The following ADGRV1 variants were observed in gnomAD, a reference collection of about 807,000 sequenced individuals.
The protein encoded by ADGRV1 is G-protein coupled receptor 98.
A neutral mutation model predicts 596.2 loss-of-function variants in ADGRV1; 359 were observed. That is an observed-to-expected ratio of 0.60 (90% confidence interval 0.55 to 0.66). ADGRV1 has a LOEUF of 0.66. Among genes scored for constraint, ADGRV1 ranks in the 30% least tolerant of loss-of-function variants. The pLI, the probability that ADGRV1 is intolerant of heterozygous loss-of-function variation, is 0.00. For synonymous variants in ADGRV1, 2,681 were observed against 2,679.2 expected (o/e 1.00, Z -0.02); for missense variants, 7,274 against 7,575.6 (o/e 0.96, Z 1.48).
intron 85 of ADGRV1, among the ~76,000 whole-genome samples, chr5:91,065,297 A>G (rs988437113): frequency 6.6e-6 from 1 of 152,086 alleles, no homozygotes; most frequent in Non-Finnish European, 1.5e-5. Context: ...AGGCTGGCAC[A>G]TGAGCCTGTG....
chr5:90,672,896 A>G (rs1038460946), intron 22 of ADGRV1, 174 bp downstream of exon 22: 3 of 531,634 alleles, frequency 5.6e-6, no homozygotes, highest in Admixed American at 7.1e-5. Flanking sequence ...AACCTTTATC[A>G]GGTAGAGTTA....
intron 76 of ADGRV1, 25 bp downstream of exon 76, chr5:90,823,621 T>G: frequency 6.3e-7 from 1 of 1,578,878 alleles, no homozygotes; most frequent in South Asian, 1.1e-5. Context: ...GACACACTAG[T>G]GTCAACTTCT....
At chr5:91,158,108 T>A (rs1224468815) in intron 89 of ADGRV1, among the ~76,000 whole-genome samples, 4 of 152,246 alleles carry the variant, frequency 2.6e-5, no homozygotes, top group Non-Finnish European at 4.4e-5. Context: ...TTCCTTATTC[T>A]CAAATAACAG....
chr5:91,136,534 C>G (rs1249175710), intron 87 of ADGRV1, among the ~76,000 whole-genome samples: 1 of 152,192 alleles, frequency 6.6e-6, no homozygotes, highest in African/African-American at 2.4e-5. Context: ...ATCAATCAAC[C>G]AGGTTAAGGA....
At position 90,618,588 on chromosome 5, in the gene ADGRV1, G is replaced by A. The variant is rs540352599; in HGVS notation, c.358-498G>A. ...CATTCTTTAAAAAATATACTTTTGT[G>A]CTGCTGTTGAATATCAGTACAAATG... On this transcript the variant is annotated intron_variant, in intron 3 of 89. Transcript: ENST00000405460. Among the ~76,000 whole-genome samples, 203 of 152,142 alleles carry A rather than the reference G, an allele frequency of 1.3e-3. 1 individual carries two copies. Among genetic ancestry groups the A allele is most frequent in the African/African-American group, 4.7e-3 (194 of 41,520 alleles).
chr5:90,689,929 A>G lies in ADGRV1; in HGVS notation c.6559A>G (p.Ile2187Val), dbSNP rs200512504. Reference sequence around the variant, plus strand: ...AGGGGAAACCAGTAAAGCCGTGCCAATATATGTCATTAATGATATCTATCC... The same window carrying G: ...AGGGGAAACCAGTAAAGCCGTGCCAGTATATGTCATTAATGATATCTATCC... ...LEGETSKAVP[I>V]YVINDIYPEL... The change falls in exon 30 of 90, where the codon ATA (isoleucine) becomes GTA (valine). Residue 2187 changes from isoleucine to valine, a missense_variant. Physicochemically the swap from Ile to Val is conservative, Grantham distance 29 (BLOSUM62 3). Around this residue, in one of 5 missense-constraint regions of ADGRV1, gnomAD observed 3,643 missense variants for 3,809.2 expected, o/e 0.96. Transcript: ENST00000405460. The G allele has an allele frequency of 2.6e-4, 419 of 1,613,200 alleles. No homozygotes were observed. The East Asian group carries it at 8.7e-3, about 33-fold the overall frequency.
chr5:90,683,160 T>C (rs971706378), intron 27 of ADGRV1, among the ~76,000 whole-genome samples: 4 of 152,220 alleles, frequency 2.6e-5, no homozygotes, highest in African/African-American at 9.6e-5. Context: ...TACGTTTTTT[T>C]CATCAATTTA....
At chr5:90,629,078 T>C (rs1765163971) in intron 8 of ADGRV1, 132 bp from the exon 9 acceptor site, 1 of 631,960 alleles carries the variant, frequency 1.6e-6, no homozygotes, top group Non-Finnish European at 2.5e-6. Context: ...TGCTCTATTA[T>C]GTATAAGAAG....
At chr5:90,922,158 C>T (rs778558736) in intron 83 of ADGRV1, among the ~76,000 whole-genome samples, 1 of 152,204 alleles carries the variant, frequency 6.6e-6, no homozygotes, top group Non-Finnish European at 1.5e-5. Flanking sequence ...TTCTTTACCT[C>T]GTTTCACTGC....
At chr5:90,932,204 A>G (rs1775312473) in intron 83 of ADGRV1, among the ~76,000 whole-genome samples, 1 of 152,134 alleles carries the variant, frequency 6.6e-6, no homozygotes, top group Non-Finnish European at 1.5e-5. Context: ...ATGTTTTTTC[A>G]TTAGTGGTAT....
At chr5:91,080,113 C>A (rs557589602) in intron 86 of ADGRV1, among the ~76,000 whole-genome samples, 9 of 152,110 alleles carry the variant, frequency 5.9e-5, no homozygotes, top group Non-Finnish European at 1.2e-4. Flanking sequence ...TTGTAACATA[C>A]ATAGAATGTG....
chr5:90,661,257 A>G (rs1006574147), intron 21 of ADGRV1, among the ~76,000 whole-genome samples: 2 of 152,238 alleles, frequency 1.3e-5, no homozygotes, highest in African/African-American at 2.4e-5. Flanking sequence ...ATAGTGATTC[A>G]TAGAACTTGC....
chr5:90,794,970 A>T (rs1458856431), intron 70 of ADGRV1, among the ~76,000 whole-genome samples: 1 of 151,928 alleles, frequency 6.6e-6, no homozygotes, highest in East Asian at 1.9e-4. Context: ...CTTTCCCCAT[A>T]GTCATCACAA....
chr5:91,062,263 C>T (rs985918189), intron 85 of ADGRV1, among the ~76,000 whole-genome samples: 1 of 152,116 alleles, frequency 6.6e-6, no homozygotes, highest in Non-Finnish European at 1.5e-5. Flanking sequence ...CTCTAGTGTC[C>T]ACCAATAATG....
chr5:90,686,981 C>T (rs1246459084), intron 29 of ADGRV1, among the ~76,000 whole-genome samples: 6 of 152,080 alleles, frequency 3.9e-5, no homozygotes, highest in East Asian at 3.8e-4. Context: ...ATGAGCATTT[C>T]TTCATGTGTT....
intron 85 of ADGRV1, among the ~76,000 whole-genome samples, chr5:91,060,765 G>A (rs1441273305): frequency 2.0e-5 from 3 of 152,164 alleles, no homozygotes; most frequent in Admixed American, 2.0e-4. Context: ...ACCCCTGCAG[G>A]GGATGCTCTA....
intron 85 of ADGRV1, among the ~76,000 whole-genome samples, chr5:91,044,603 T>C (rs1422273833): frequency 6.6e-6 from 1 of 152,122 alleles, no homozygotes; most frequent in African/African-American, 2.4e-5. Context: ...TAAGTAAAAA[T>C]GGAGAATGTC....
intron 86 of ADGRV1, among the ~76,000 whole-genome samples, chr5:91,075,540 C>T (rs1368386018): frequency 6.6e-6 from 1 of 152,056 alleles, no homozygotes; most frequent in Non-Finnish European, 1.5e-5. Flanking sequence ...ATGAGGGAAC[C>T]CTCTCTTGCA....
chr5:91,010,201 A>G (rs966653254), intron 85 of ADGRV1, among the ~76,000 whole-genome samples: 3 of 152,266 alleles, frequency 2.0e-5, no homozygotes, highest in Admixed American at 6.5e-5. Context: ...ACAACATGAC[A>G]CACAGGCTTC....
Sources: gnomAD v4.1 joint callset for allele counts (sites outside exome capture counted in the v4.1 genomes callset) on GRCh38, gnomAD v4.1.1 for gene constraint, gnomAD v4.1.1 regional missense constraint, MANE v1.5 for transcripts, NCBI Gene and HGNC (gene_info 2026-07-23, HGNC 2026-07-21) for gene names.